TBC1D22A: variants seen among roughly 807,000 people sequenced by gnomAD.
TBC1D22A encodes the protein putative GTPase activator.
Under a neutral mutation model 60.2 loss-of-function variants are expected in TBC1D22A, and 38 were observed. The ratio of observed to expected loss-of-function variants is 0.63; its 90% confidence interval spans 0.49 to 0.83. The LOEUF (loss-of-function observed/expected upper bound fraction) is 0.83, where lower values mean the gene tolerates loss of function less well. Ranked by LOEUF, TBC1D22A falls within the 40% of genes least tolerant of loss-of-function variation. TBC1D22A has a pLI of 0.00. For synonymous variants in TBC1D22A, 302 were observed against 281.7 expected, an observed-to-expected ratio of 1.07 and a Z score of -0.72; for missense variants, 628 against 701.0, an observed-to-expected ratio of 0.90 and a Z score of 1.18.
At chr22:46,854,965 A>T (rs1299405894) in intron 4 of TBC1D22A, among the ~76,000 whole-genome samples, 1 of 152,252 alleles carries the variant, frequency 6.6e-6, no homozygotes, top group East Asian at 1.9e-4. Context: ...CCAATGACAC[A>T]ATAGATGGCA....
Position 47,109,632 on chromosome 22 carries a change from C to T in TBC1D22A, c.1330-1876C>T, listed in dbSNP as rs1008722324. Among the ~76,000 whole-genome samples the T allele has an allele frequency of 2.0e-5, 3 of 152,268 alleles. No individual in the cohort carries two copies. In the East Asian group the frequency reaches 5.8e-4, roughly 29 times the overall value. Reference sequence around the variant, plus strand: ...GTTCCAAAGAATAACTCATGGCCTTCCCACCAAAACAGTCTCCTACAGCCT... The same window carrying T: ...GTTCCAAAGAATAACTCATGGCCTTTCCACCAAAACAGTCTCCTACAGCCT... On this transcript the variant is annotated intron_variant, in intron 11 of 12. Coordinates refer to ENST00000337137, the MANE Select transcript of TBC1D22A (RefSeq NM_014346.5).
intron 8 of TBC1D22A, among the ~76,000 whole-genome samples, chr22:46,923,252 C>G (rs527938283): frequency 6.6e-6 from 1 of 152,338 alleles, no homozygotes; most frequent in East Asian, 1.9e-4. Context: ...GCAGCCTCCC[C>G]TTTGATTAAG....
At chr22:46,800,268 C>T (rs1033535781) in intron 4 of TBC1D22A, among the ~76,000 whole-genome samples, 1 of 152,120 alleles carries the variant, frequency 6.6e-6, no homozygotes, top group Non-Finnish European at 1.5e-5. Context: ...GCATCCCTAG[C>T]CATGGGTGAG....
chr22:47,096,888 G>A (rs751532789), intron 11 of TBC1D22A, among the ~76,000 whole-genome samples: 21 of 152,136 alleles, frequency 1.4e-4, no homozygotes, highest in East Asian at 1.9e-4. Flanking sequence ...GTTTTTAGGC[G>A]CCACTTTCTC....
chr22:46,924,240 C>T (rs886328824), intron 8 of TBC1D22A, among the ~76,000 whole-genome samples: 2 of 152,124 alleles, frequency 1.3e-5, no homozygotes, highest in African/African-American at 4.8e-5. Context: ...TGACTGAGTA[C>T]TTTGGACGGA....
At chr22:46,839,291 C>A (rs147822901) in intron 4 of TBC1D22A, among the ~76,000 whole-genome samples, 2 of 150,892 alleles carry the variant, frequency 1.3e-5, no homozygotes, top group Non-Finnish European at 2.9e-5. Flanking sequence ...GTAACCAAGG[C>A]GGTGAAGGAT....
At chr22:46,916,284 CAGTT>C (rs1343621203) in intron 8 of TBC1D22A, among the ~76,000 whole-genome samples, 3 of 152,172 alleles carry the variant, frequency 2.0e-5, no homozygotes, top group African/African-American at 7.2e-5. Context: ...GTCAGAGAAA[CAGTT>C]TGTAGTGGGG....
intron 5 of TBC1D22A, among the ~76,000 whole-genome samples, chr22:46,886,442 T>C (rs1025671640): frequency 3.3e-5 from 5 of 152,126 alleles, no homozygotes; most frequent in African/African-American, 9.7e-5. Flanking sequence ...CCTCCTCCCA[T>C]TGGGTTGGGG....
chr22:46,781,046 C>G (rs2083911284), intron 1 of TBC1D22A, among the ~76,000 whole-genome samples: 1 of 152,106 alleles, frequency 6.6e-6, no homozygotes, highest in African/African-American at 2.4e-5. Context: ...GGGCATTTCC[C>G]CCTGCCCCGA....
At chr22:46,871,270 A>G (rs761967470) in intron 4 of TBC1D22A, among the ~76,000 whole-genome samples, 11 of 152,260 alleles carry the variant, frequency 7.2e-5, no homozygotes, top group Non-Finnish European at 1.3e-4. Flanking sequence ...TCCTAGGCAG[A>G]AAATTTAACA....
intron 10 of TBC1D22A, among the ~76,000 whole-genome samples, chr22:47,001,953 A>ATT (rs1412515739): frequency 6.6e-6 from 1 of 152,238 alleles, no homozygotes; most frequent in Non-Finnish European, 1.5e-5. Flanking sequence ...GTTACTTAAA[A>ATT]TTTAATAAGC....
At chr22:46,878,872 A>G (rs973680928) in intron 5 of TBC1D22A, 149 bp downstream of exon 5, 11 of 600,336 alleles carry the variant, frequency 1.8e-5, no homozygotes, top group African/African-American at 1.5e-4. Flanking sequence ...CTAAGCTGAC[A>G]TTTTCCATTC....
chr22:47,108,764 C>T (rs917823208), intron 11 of TBC1D22A, among the ~76,000 whole-genome samples: 7 of 152,174 alleles, frequency 4.6e-5, no homozygotes, highest in Admixed American at 1.3e-4. Flanking sequence ...GGCTCGATCT[C>T]GGCTCACTGC....
intron 11 of TBC1D22A, among the ~76,000 whole-genome samples, chr22:47,053,724 T>G (rs2067464546): frequency 6.6e-6 from 1 of 152,232 alleles, no homozygotes; most frequent in Admixed American, 6.5e-5. Context: ...CTGAGTCAGC[T>G]GACAACATCA....
At chr22:46,826,791 C>G (rs1472914620) in intron 4 of TBC1D22A, among the ~76,000 whole-genome samples, 4 of 151,828 alleles carry the variant, frequency 2.6e-5, no homozygotes, top group African/African-American at 9.7e-5. Context: ...CCCATAGCAC[C>G]CACGCAGCAG....
At chr22:47,158,663 C>T (rs2067818588) in intron 12 of TBC1D22A, among the ~76,000 whole-genome samples, 1 of 152,162 alleles carries the variant, frequency 6.6e-6, no homozygotes, top group African/African-American at 2.4e-5. Context: ...TCAGGACCCC[C>T]TGCAGAGGAC....
intron 8 of TBC1D22A, among the ~76,000 whole-genome samples, chr22:46,943,447 A>C (rs1461681756): frequency 2.0e-5 from 3 of 152,234 alleles, no homozygotes; most frequent in African/African-American, 7.2e-5. Context: ...TTAAACGTTC[A>C]ACCTTGAAGG....
chr22:46,803,959 G>C (rs1404513073), intron 4 of TBC1D22A, among the ~76,000 whole-genome samples: 1 of 152,238 alleles, frequency 6.6e-6, no homozygotes, highest in Non-Finnish European at 1.5e-5. Context: ...TGACTCTTCA[G>C]CTAGACCTTT....
At chr22:46,773,044 A>T (rs559175750) in intron 1 of TBC1D22A, among the ~76,000 whole-genome samples, 1 of 152,210 alleles carries the variant, frequency 6.6e-6, no homozygotes, top group African/African-American at 2.4e-5. Context: ...TGTGGCTAGG[A>T]CAAGGGCAGT....
Sources: gnomAD v4.1 joint callset for allele counts (sites outside exome capture counted in the v4.1 genomes callset) on GRCh38, gnomAD v4.1.1 for gene constraint, MANE v1.5 for transcripts, NCBI Gene and HGNC (gene_info 2026-07-23, HGNC 2026-07-21) for gene names.